Variants in ADGRV1 observed in about 807,000 individuals in gnomAD.
ADGRV1 encodes the protein G-protein coupled receptor 98.
Under a neutral mutation model 596.2 loss-of-function variants are expected in ADGRV1, and 359 were observed. The ratio of observed to expected loss-of-function variants is 0.60; its 90% CI spans 0.55 to 0.66. The LOEUF (loss-of-function observed/expected upper bound fraction) is 0.66, where lower values mean the gene tolerates loss of function less well. ADGRV1 is among the 30% of genes least tolerant of loss of function. ADGRV1 has a pLI of 0.00. For missense variants in ADGRV1, 7,274 were observed against 7,575.6 expected, an observed-to-expected ratio of 0.96 and a Z score of 1.48; for synonymous variants, 2,681 against 2,679.2, an observed-to-expected ratio of 1.00 and a Z score of -0.02.
At chr5:90,634,389 G>T (rs540660876) in intron 9 of ADGRV1, among the ~76,000 whole-genome samples, 2 of 152,222 alleles carry the variant, frequency 1.3e-5, no homozygotes. Context: ...CAAGAGCTCT[G>T]CAGACCTGTT....
intron 48 of ADGRV1, among the ~76,000 whole-genome samples, 194 bp downstream of exon 48, chr5:90,725,850 C>T (rs562271336): frequency 6.6e-6 from 1 of 152,092 alleles, no homozygotes; most frequent in Non-Finnish European, 1.5e-5. Flanking sequence ...GTTATATTAT[C>T]TTCAAGAGCC....
At chr5:90,855,018 A>G (rs1766890478) in intron 81 of ADGRV1, among the ~76,000 whole-genome samples, 1 of 152,188 alleles carries the variant, frequency 6.6e-6, no homozygotes, top group African/African-American at 2.4e-5. Flanking sequence ...ATAATTAATA[A>G]TGAATGTTTC....
chr5:90,601,393 G>C (rs1003113681), intron 1 of ADGRV1, among the ~76,000 whole-genome samples: 19 of 152,224 alleles, frequency 1.2e-4, no homozygotes, highest in Admixed American at 3.3e-4. Context: ...CCAAACCTGA[G>C]ATGCAGCCAA....
At chr5:90,930,842 T>G (rs761163195) in intron 83 of ADGRV1, among the ~76,000 whole-genome samples, 7 of 152,166 alleles carry the variant, frequency 4.6e-5, no homozygotes, top group Non-Finnish European at 1.0e-4. Context: ...CTGCATAATA[T>G]AGAATATCCA....
chr5:91,076,135 C>A (rs1266833608), intron 86 of ADGRV1, among the ~76,000 whole-genome samples: 2 of 152,264 alleles, frequency 1.3e-5, no homozygotes, highest in East Asian at 3.9e-4. Context: ...ATCTAAACAA[C>A]AGTGATGTGC....
At position 90,694,051 on chromosome 5, in the gene ADGRV1, T is replaced by C. The variant is rs1037412572; in HGVS notation, c.7295T>C (p.Val2432Ala). Residue 2432 changes from valine to alanine, a missense_variant, in exon 33 of 90, where the codon GTG becomes GCG. Physicochemically the swap from Val to Ala is moderately conservative, Grantham distance 64 (BLOSUM62 0). Around this residue, in one of 5 missense-constraint regions of ADGRV1, gnomAD observed 3,643 missense variants for 3,809.2 expected, o/e 0.96. Coordinates refer to ENST00000405460, the MANE Select transcript of ADGRV1 (RefSeq NM_032119.4). ...AGAACTTGGATGAATGTCTCTGCCG[T>C]GGGGGAGCCCCTGTATACCTGTGCC... ...LWRTWMNVSAVGEPLYTCATL... is the reference protein window; with the variant it reads ...LWRTWMNVSAAGEPLYTCATL... The C allele has an allele frequency of 1.2e-6, 2 of 1,613,796 alleles. No individual in the cohort carries two copies. The highest frequency in any genetic ancestry group is 3.3e-5 in the Admixed American group (2 of 59,940).
intron 37 of ADGRV1, 66 bp downstream of exon 37, chr5:90,705,645 A>G: frequency 1.6e-6 from 2 of 1,274,108 alleles, no homozygotes; most frequent in Admixed American, 4.0e-5. Flanking sequence ...ACTTGTGTGG[A>G]TGAAAGCCAT....
chr5:91,058,779 T>C (rs1787136643), intron 85 of ADGRV1, among the ~76,000 whole-genome samples: 1 of 152,120 alleles, frequency 6.6e-6, no homozygotes, highest in Non-Finnish European at 1.5e-5. Context: ...AAAGGGAAAG[T>C]TTTCCTCCTT....
chr5:90,601,247 A>G (rs1038697039), intron 1 of ADGRV1, among the ~76,000 whole-genome samples: 1 of 152,000 alleles, frequency 6.6e-6, no homozygotes, highest in African/African-American at 2.4e-5. Flanking sequence ...CAAAAAAAAA[A>G]AAGCAGCAAG....
intron 83 of ADGRV1, among the ~76,000 whole-genome samples, chr5:90,961,506 A>G (rs1246332383): frequency 4.4e-4 from 46 of 103,756 alleles, no homozygotes; most frequent in African/African-American, 6.3e-4. Context: ...AAAAAAAAAA[A>G]AGGGGGGGTG....
rs551583823 is a variant in ADGRV1, at chr5:91,014,216, G to A, written c.18152+28694G>A. Among the ~76,000 whole-genome samples, 88 of 135,968 alleles carry A rather than the reference G, an allele frequency of 6.5e-4. 1 individual carries two copies. Among genetic ancestry groups the A allele is most frequent in the African/African-American group, 2.2e-3 (79 of 36,102 alleles). 89.2% of individuals were successfully genotyped at this position (135,968 alleles called of 152,430 possible). On this transcript the variant is annotated intron_variant, in intron 85 of 89. Coordinates refer to ENST00000405460, the MANE Select transcript of ADGRV1 (RefSeq NM_032119.4). ...TAACCAGGGAGGTGAAAGAACTCCCGGGGCTGAAGCCTACTTGATCATGGT... is the reference window on the plus strand; with the variant it reads ...TAACCAGGGAGGTGAAAGAACTCCCAGGGCTGAAGCCTACTTGATCATGGT...
Position 90,596,651 on chromosome 5 carries a change from G to C in ADGRV1, c.23-18184G>C, listed in dbSNP as rs960318515. ...AAAAAAATACGAAAACCAGTCAGGC[G>C]TGGCGGCGCGCGCCTGCAATTGCAG... On this transcript the variant is annotated intron_variant, in intron 1 of 89. Transcript: ENST00000405460. Among the ~76,000 whole-genome samples, 5 of 152,154 alleles carry C rather than the reference G, an allele frequency of 3.3e-5. 1 individual carries two copies. The highest frequency in any genetic ancestry group is 6.5e-5 in the Admixed American group (1 of 15,286).
intron 87 of ADGRV1, among the ~76,000 whole-genome samples, chr5:91,126,871 G>A (rs551236451): frequency 6.6e-6 from 1 of 152,118 alleles, no homozygotes; most frequent in South Asian, 2.1e-4. Context: ...TGTTTGAATG[G>A]ATGTGCCTCT....
intron 1 of ADGRV1, among the ~76,000 whole-genome samples, chr5:90,608,346 A>G (rs1248940004): frequency 6.6e-6 from 1 of 152,140 alleles, no homozygotes; most frequent in Non-Finnish European, 1.5e-5. Flanking sequence ...CAAATGGACA[A>G]GAATAAACTA....
chr5:91,056,108 G>C (rs1786822030), intron 85 of ADGRV1, among the ~76,000 whole-genome samples: 1 of 152,200 alleles, frequency 6.6e-6, no homozygotes. Flanking sequence ...AAACTTCAGA[G>C]CCCAATTCAT....
chr5:91,035,802 A>G (rs563503566), intron 85 of ADGRV1, among the ~76,000 whole-genome samples: 17 of 143,462 alleles, frequency 1.2e-4, no homozygotes, highest in African/African-American at 3.3e-4. Flanking sequence ...TAACAATAAT[A>G]ATCTCTATCT....
chr5:90,606,739 A>G (rs143892536), intron 1 of ADGRV1, among the ~76,000 whole-genome samples: 15 of 152,192 alleles, frequency 9.9e-5, no homozygotes, highest in African/African-American at 3.6e-4. Context: ...ACGTACATCA[A>G]TCAAAAGTGG....
At chr5:90,795,992 A>G (rs1760665451) in intron 70 of ADGRV1, among the ~76,000 whole-genome samples, 1 of 152,226 alleles carries the variant, frequency 6.6e-6, no homozygotes, top group Non-Finnish European at 1.5e-5. Flanking sequence ...TCAAAGACCA[A>G]AGGTAGGTAA....
At chr5:91,000,668 CTGTGTG>C (rs6149110) in intron 85 of ADGRV1, among the ~76,000 whole-genome samples, 28,192 of 141,118 alleles carry the variant, frequency 0.2, 2,757 homozygotes, top group East Asian at 0.38. Context: ...CTTACAGGAT[CTGTGTG>C]TGTGTGTGTG....
Sources: allele counts gnomAD v4.1 joint callset (sites outside exome capture counted in the v4.1 genomes callset), GRCh38; gene constraint gnomAD v4.1.1; regional missense constraint gnomAD v4.1.1; transcripts MANE v1.5; gene names NCBI Gene and HGNC (gene_info 2026-07-23, HGNC 2026-07-21).